CRACD: variants seen among roughly 807,000 people sequenced by gnomAD.
The protein encoded by CRACD is capping protein inhibiting regulator of actin dynamics.
CRACD carries 56 observed loss-of-function variants against 106.8 expected under a neutral mutation model. The ratio of observed to expected loss-of-function variants is 0.52; its 90% CI spans 0.42 to 0.66. CRACD has a LOEUF of 0.66. CRACD is among the 30% of genes least tolerant of loss of function. The pLI is 0.00. For synonymous variants in CRACD, 754 were observed against 670.8 expected, an observed-to-expected ratio of 1.12 and a Z score of -1.92; for missense variants, 1,730 against 1,623.2, an observed-to-expected ratio of 1.07 and a Z score of -1.13.
chr4:56,270,285 G>A (rs1357427682), intron 2 of CRACD, among the ~76,000 whole-genome samples: 1 of 151,756 alleles, frequency 6.6e-6, no homozygotes, highest in Non-Finnish European at 1.5e-5. Flanking sequence ...TGAACTCCTG[G>A]GCTCAAATGA....
intron 8 of CRACD, among the ~76,000 whole-genome samples, chr4:56,317,556 C>T (rs1421824901): frequency 2.6e-5 from 4 of 152,142 alleles, no homozygotes; most frequent in African/African-American, 9.7e-5. Context: ...TTGAGGGGGC[C>T]TCGCAGTGAT....
chr4:56,187,299 G>A (rs1404448344), intron 2 of CRACD, among the ~76,000 whole-genome samples: 2 of 152,078 alleles, frequency 1.3e-5, no homozygotes, highest in Non-Finnish European at 1.5e-5. Context: ...GGGAGCCTGC[G>A]GGCCTCCCAG....
At chr4:56,289,785 G>A (rs1047865456) in intron 3 of CRACD, among the ~76,000 whole-genome samples, 15 of 151,568 alleles carry the variant, frequency 9.9e-5, no homozygotes, top group African/African-American at 3.6e-4. Context: ...CTCCTTTCTT[G>A]TCGTGATCTA....
chr4:56,101,593 T>C (rs1441185304), intron 1 of CRACD, among the ~76,000 whole-genome samples: 1 of 151,978 alleles, frequency 6.6e-6, no homozygotes, highest in Non-Finnish European at 1.5e-5. Context: ...TGAAACCCCA[T>C]CTCTACTAAA....
chr4:56,186,904 A>G (rs776924272), intron 2 of CRACD, among the ~76,000 whole-genome samples: 3 of 151,978 alleles, frequency 2.0e-5, no homozygotes, highest in South Asian at 2.1e-4. Context: ...TCTAACCACA[A>G]ATTTTTAGAA....
chr4:56,083,951 T>C (rs929670219), intron 1 of CRACD, among the ~76,000 whole-genome samples: 3 of 152,204 alleles, frequency 2.0e-5, no homozygotes, highest in Admixed American at 6.5e-5. Context: ...CACTCCAGCC[T>C]GGGCGACAGA....
At chr4:56,077,821 C>T (rs1231058071) in intron 1 of CRACD, among the ~76,000 whole-genome samples, 1 of 152,196 alleles carries the variant, frequency 6.6e-6, no homozygotes, top group African/African-American at 2.4e-5. Flanking sequence ...AATTCTACCA[C>T]AGCAGGGTTA....
At chr4:56,161,032 T>C (rs1184862091) in intron 1 of CRACD, among the ~76,000 whole-genome samples, 1 of 152,222 alleles carries the variant, frequency 6.6e-6, no homozygotes, top group East Asian at 1.9e-4. Flanking sequence ...TACAGAAATA[T>C]TCCTCATCCT....
intron 4 of CRACD, among the ~76,000 whole-genome samples, chr4:56,299,394 G>A (rs1577877049): frequency 6.6e-6 from 1 of 152,200 alleles, no homozygotes; most frequent in East Asian, 1.9e-4. Flanking sequence ...ATCTGGCCAG[G>A]CACAGTGGCT....
chr4:56,106,512 G>T (rs979057170), intron 1 of CRACD, among the ~76,000 whole-genome samples: 1 of 152,188 alleles, frequency 6.6e-6, no homozygotes, highest in Non-Finnish European at 1.5e-5. Flanking sequence ...AAGTTCCAAG[G>T]CTGGCAAGAT....
intron 2 of CRACD, among the ~76,000 whole-genome samples, chr4:56,262,146 A>G (rs1415818461): frequency 6.6e-6 from 1 of 152,196 alleles, no homozygotes; most frequent in Admixed American, 6.5e-5. Context: ...AAAGTCCTGA[A>G]AAAATTTGCC....
chr4:56,314,400 T>G lies in CRACD; in HGVS notation c.898T>G (p.Trp300Gly), dbSNP rs759241927. 2 of 1,188,582 alleles carry G rather than the reference T, an allele frequency of 1.7e-6. No homozygotes were observed. Among genetic ancestry groups the G allele is most frequent in the Middle Eastern group, 2.8e-4 (1 of 3,570 alleles). The allele number at this position is 1,188,582 out of a possible 1,614,324, so 73.6% of individuals were successfully genotyped here. ...EQQRSLEAPG[W>G]EDAERREREE... is the part of the protein sequence containing the mutation. ...GCAGCGGAGCCTGGAAGCGCCAGGT[T>G]GGGAGGACGCGGAGCGGAGGGAGCG... Residue 300 changes from tryptophan (W) to glycine (G), a missense_variant, in exon 8 of 11, where the codon TGG (tryptophan) becomes GGG (glycine). This residue lies in a region of CRACD where 1,620 missense variants were observed against 1,481.6 expected (regional missense o/e 1.09). Transcript: ENST00000682029. The surrounding 1 kb of genome is among the most constrained non-coding windows in gnomAD (Gnocchi z 4.4).
intron 1 of CRACD, among the ~76,000 whole-genome samples, chr4:56,141,702 T>A (rs1173914893): frequency 6.8e-6 from 1 of 146,858 alleles, no homozygotes; most frequent in Admixed American, 6.8e-5. Context: ...TTTTTTTTTT[T>A]TTTTTTTTAG....
intron 2 of CRACD, among the ~76,000 whole-genome samples, chr4:56,179,883 G>C (rs1736739758): frequency 6.6e-6 from 1 of 152,052 alleles, no homozygotes; most frequent in Non-Finnish European, 1.5e-5. Context: ...CAGGTGTGGT[G>C]GTGGGCACCT....
intron 2 of CRACD, among the ~76,000 whole-genome samples, chr4:56,270,917 A>G (rs1742311968): frequency 8.0e-6 from 1 of 125,696 alleles, no homozygotes; most frequent in Non-Finnish European, 1.7e-5. Context: ...CACCGTCTCT[A>G]CTAAACACAC....
intron 1 of CRACD, among the ~76,000 whole-genome samples, chr4:56,157,141 G>T (rs1393043745): frequency 6.6e-6 from 1 of 152,132 alleles, no homozygotes; most frequent in Non-Finnish European, 1.5e-5. Context: ...TTGCCATGAA[G>T]GGTTGCAGTA....
intron 1 of CRACD, among the ~76,000 whole-genome samples, chr4:56,088,544 C>G (rs1289501980): frequency 6.6e-6 from 1 of 151,994 alleles, no homozygotes; most frequent in Non-Finnish European, 1.5e-5. Context: ...CCAAAATTAT[C>G]TGGTTTCTCA....
chr4:56,315,597 C>G lies in CRACD; in HGVS notation c.2095C>G (p.Pro699Ala), dbSNP rs780145063. 1.2e-6 allele frequency: 2 copies of G among 1,613,996 alleles called. No individual in the cohort carries two copies. The highest frequency in any genetic ancestry group is 1.3e-5 in the African/African-American group (1 of 74,904). The change falls in exon 8 of 11, where the codon CCC becomes GCC. Residue 699 changes from proline to alanine, a missense_variant. By Grantham distance (27) the Pro-to-Ala change is conservative. This residue lies in a region of CRACD where 1,620 missense variants were observed against 1,481.6 expected (regional missense o/e 1.09). Coordinates refer to ENST00000682029, the MANE Select transcript of CRACD (RefSeq NM_001393381.1). The surrounding 1 kb of genome is among the most constrained non-coding windows in gnomAD (Gnocchi z 4.1). The stretch of plus-strand genomic sequence containing the variant: ...GTTGAGGCCCGGTGATGAGTCCACT[C>G]CCAGGGGCCGGTGTGATTCCCGCGG... Reference protein sequence around the residue: ...DQLRPGDESTPRGRCDSRGNQ... With the variant: ...DQLRPGDESTARGRCDSRGNQ...
chr4:56,221,203 C>T (rs772531030), intron 2 of CRACD, among the ~76,000 whole-genome samples: 3 of 152,152 alleles, frequency 2.0e-5, no homozygotes, highest in South Asian at 2.1e-4. Context: ...ATCAACCCGA[C>T]AGCCACATGA....
Sources: allele counts gnomAD v4.1 joint callset (sites outside exome capture counted in the v4.1 genomes callset), GRCh38; gene constraint gnomAD v4.1.1; regional missense constraint gnomAD v4.1.1; non-coding constraint Gnocchi (gnomAD v3.1); transcripts MANE v1.5; gene names NCBI Gene and HGNC (gene_info 2026-07-23, HGNC 2026-07-21).